The following THSD7B variants were observed in gnomAD, a reference collection of about 807,000 sequenced individuals.
THSD7B encodes thrombospondin type 1 domain containing 7B.
THSD7B carries 138 observed loss-of-function variants against 213.6 expected under a neutral mutation model. The ratio of observed to expected loss-of-function variants is 0.65; its 90% CI spans 0.56 to 0.74. The LOEUF is 0.74. Among genes scored for constraint, THSD7B ranks in the 30% least tolerant of loss-of-function variants. THSD7B has a pLI of 0.00. For synonymous variants in THSD7B, 742 were observed against 687.0 expected (o/e 1.08, Z -1.25); for missense variants, 1,931 against 1,991.5 (o/e 0.97, Z 0.58).
At chr2:137,161,205 C>T (rs1680012513) in intron 6 of THSD7B, among the ~76,000 whole-genome samples, 1 of 151,980 alleles carries the variant, frequency 6.6e-6, no homozygotes, top group African/African-American at 2.4e-5. Flanking sequence ...AAATACGTGT[C>T]TTCATCTTCA....
At chr2:137,365,136 G>A (rs1045782983) in intron 12 of THSD7B, among the ~76,000 whole-genome samples, 1 of 152,168 alleles carries the variant, frequency 6.6e-6, no homozygotes, top group Non-Finnish European at 1.5e-5. Flanking sequence ...AACAAGAAAT[G>A]AGGAAAGGAT....
intron 7 of THSD7B, among the ~76,000 whole-genome samples, chr2:137,191,535 T>G (rs1041118307): frequency 2.0e-5 from 3 of 151,794 alleles, no homozygotes; most frequent in Non-Finnish European, 2.9e-5. Flanking sequence ...GATGTCTGGG[T>G]TTTAGTAAGC....
intron 15 of THSD7B, among the ~76,000 whole-genome samples, chr2:137,487,370 G>A (rs1234143023): frequency 1.4e-4 from 3 of 20,838 alleles, no homozygotes; most frequent in South Asian, 1.6e-3. Flanking sequence ...GCGAGACTCC[G>A]TCTCAAAAAA....
chr2:137,120,125 G>T (rs1688521883), intron 5 of THSD7B, among the ~76,000 whole-genome samples: 1 of 152,058 alleles, frequency 6.6e-6, no homozygotes, highest in Non-Finnish European at 1.5e-5. Flanking sequence ...AGAGATAACG[G>T]GATAAAATAA....
chr2:136,861,328 T>G (rs1683256528), intron 1 of THSD7B, among the ~76,000 whole-genome samples: 1 of 152,254 alleles, frequency 6.6e-6, no homozygotes, highest in Admixed American at 6.5e-5. Context: ...CTGGTTTCTC[T>G]TTGAACTGCC....
At chr2:136,788,679 G>C (rs1053422031) in intron 1 of THSD7B, among the ~76,000 whole-genome samples, 2 of 152,134 alleles carry the variant, frequency 1.3e-5, no homozygotes, top group Non-Finnish European at 2.9e-5. Flanking sequence ...TCCTGCTGAA[G>C]TGTGTGCCTT....
intron 4 of THSD7B, among the ~76,000 whole-genome samples, chr2:137,098,896 C>T (rs541266618): frequency 6.6e-6 from 1 of 152,264 alleles, no homozygotes; most frequent in Non-Finnish European, 1.5e-5. Flanking sequence ...ACTAATTTAA[C>T]TTGAAAGGAG....
At chr2:137,666,449 A>G (rs936900918) in intron 26 of THSD7B, among the ~76,000 whole-genome samples, 2 of 152,132 alleles carry the variant, frequency 1.3e-5, no homozygotes, top group African/African-American at 2.4e-5. Context: ...CCTATAAGCA[A>G]AAACTATAAT....
chr2:137,572,373 A>G, intron 16 of THSD7B, 33 bp from the exon 17 acceptor site: 2 of 1,612,250 alleles, frequency 1.2e-6, no homozygotes, highest in South Asian at 1.1e-5. Context: ...ACTGTTTTAA[A>G]TAATCAAACT....
intron 10 of THSD7B, among the ~76,000 whole-genome samples, chr2:137,256,278 G>T (rs1305753878): frequency 3.9e-5 from 6 of 152,142 alleles, no homozygotes; most frequent in African/African-American, 9.7e-5. Context: ...ATAAAATGAG[G>T]TTACTTTTAT....
At chr2:136,946,631 G>A (rs1388105017) in intron 2 of THSD7B, among the ~76,000 whole-genome samples, 2 of 152,168 alleles carry the variant, frequency 1.3e-5, no homozygotes, top group Admixed American at 1.3e-4. Context: ...TGCTGTGGTT[G>A]GCTCTGCCCA....
intron 2 of THSD7B, among the ~76,000 whole-genome samples, chr2:136,924,161 A>G (rs958038888): frequency 6.6e-6 from 1 of 152,068 alleles, no homozygotes; most frequent in Admixed American, 6.5e-5. Context: ...CCAAGGGTGC[A>G]ACCTCTGCCT....
chr2:136,844,352 G>T (rs1682966168), intron 1 of THSD7B, among the ~76,000 whole-genome samples: 1 of 152,028 alleles, frequency 6.6e-6, no homozygotes, highest in African/African-American at 2.4e-5. Flanking sequence ...GGGGCCACTT[G>T]GTGGAAGCTG....
intron 12 of THSD7B, among the ~76,000 whole-genome samples, chr2:137,352,166 G>A (rs1685028991): frequency 6.6e-6 from 1 of 151,588 alleles, no homozygotes; most frequent in African/African-American, 2.4e-5. Flanking sequence ...GGAGAAGGAG[G>A]AGGAGGAGGA....
intron 4 of THSD7B, among the ~76,000 whole-genome samples, chr2:137,110,161 G>A (rs1688322392): frequency 2.0e-5 from 3 of 152,158 alleles, no homozygotes; most frequent in Admixed American, 1.3e-4. Context: ...GCCATGCCAT[G>A]TATTGATGCA....
intron 2 of THSD7B, among the ~76,000 whole-genome samples, chr2:136,908,214 TAATA>T (rs1417375074): frequency 1.3e-5 from 2 of 152,212 alleles, no homozygotes; most frequent in Admixed American, 6.5e-5. Flanking sequence ...ACAAAATTAA[TAATA>T]AATAAGTCAA....
chr2:137,523,433 G>A (rs570245356), intron 15 of THSD7B, among the ~76,000 whole-genome samples: 9 of 152,232 alleles, frequency 5.9e-5, no homozygotes, highest in African/African-American at 2.2e-4. Context: ...GGGACATTCT[G>A]TTACTTTGTG....
At chr2:137,293,319 G>T (rs1314271158) in intron 12 of THSD7B, among the ~76,000 whole-genome samples, 1 of 151,680 alleles carries the variant, frequency 6.6e-6, no homozygotes, top group Non-Finnish European at 1.5e-5. Flanking sequence ...TTGTATTTTG[G>T]GTAGAAACGG....
At chr2:137,128,462 A>G (rs1688666585) in intron 5 of THSD7B, among the ~76,000 whole-genome samples, 1 of 152,192 alleles carries the variant, frequency 6.6e-6, no homozygotes, top group Admixed American at 6.5e-5. Flanking sequence ...GGGTTCCTCT[A>G]CTGAAGATTC....
Sources: allele counts gnomAD v4.1 joint callset (sites outside exome capture counted in the v4.1 genomes callset), GRCh38; gene constraint gnomAD v4.1.1; transcripts MANE v1.5; gene names NCBI Gene and HGNC (gene_info 2026-07-23, HGNC 2026-07-21).